COL20A1: variants seen among roughly 807,000 people sequenced by gnomAD.
COL20A1 encodes the protein collagen type XX alpha 1 chain.
Under a neutral mutation model 152.9 loss-of-function variants are expected in COL20A1, and 164 were observed. The ratio of observed to expected loss-of-function variants is 1.07; its 90% confidence interval spans 0.94 to 1.22. COL20A1 has a LOEUF of 1.22. COL20A1 is among the 50% of genes most tolerant of loss of function. The pLI is 0.00. For missense variants in COL20A1, 1,873 were observed against 1,744.8 expected, an observed-to-expected ratio of 1.07 and a Z score of -1.31; for synonymous variants, 864 against 756.0, an observed-to-expected ratio of 1.14 and a Z score of -2.34.
chr20:63,317,715 C>T (rs1352830557), intron 21 of COL20A1, among the ~76,000 whole-genome samples: 1 of 152,030 alleles, frequency 6.6e-6, no homozygotes, highest in Non-Finnish European at 1.5e-5. Context: ...TCACCATCCT[C>T]TCCCTCCCCC....
chr20:63,312,901 G>T lies in COL20A1; in HGVS notation c.2043G>T (p.Thr681=), dbSNP rs376373104. The change falls in exon 16 of 36, where the codon ACG becomes ACT. Residue 681 remains threonine, a synonymous_variant. Coordinates refer to ENST00000358894, the MANE Select transcript of COL20A1 (RefSeq NM_020882.4). ...APSGVLVYQI[T]WTPLGEGKAH... is the part of the protein sequence containing the mutation. ...CTGGCGTGCTTGTCTACCAGATCAC[G>T]TGGACGCCCCTGGGAGAGGGGAAGG... 1 of 1,558,018 alleles carries T rather than the reference G, an allele frequency of 6.4e-7. No homozygotes were observed. The highest frequency in any genetic ancestry group is 2.4e-5 in the East Asian group (1 of 41,498).
chr20:63,313,756 G>C lies in COL20A1; in HGVS notation c.2223G>C (p.Arg741Ser). 3.8e-6 allele frequency: 6 copies of C among 1,597,704 alleles called. No homozygotes were observed. Among genetic ancestry groups the C allele is most frequent in the Non-Finnish European group, 5.1e-6 (6 of 1,173,252 alleles). ...GCTCTCGGCCAGCCACGGTGAGCAG[G>C]AGCCCACCCTCCAACCTGGCCCTGG... is the stretch of plus-strand genomic sequence containing the variant. ...SLRYTPSTVS[R>S]SPPSNLALAS... Residue 741 changes from arginine (R) to serine (S), a missense_variant, in exon 18 of 36, where the codon AGG becomes AGC. Arg to Ser is a moderately radical substitution (Grantham distance 110, BLOSUM62 -1). Transcript: ENST00000358894. The surrounding 1 kb of genome is among the most constrained non-coding windows in gnomAD (Gnocchi z 5.9).
chr20:63,317,045 G>A (rs776954925), intron 21 of COL20A1, among the ~76,000 whole-genome samples: 5 of 152,308 alleles, frequency 3.3e-5, no homozygotes, highest in Non-Finnish European at 7.4e-5. Flanking sequence ...TAGAGGAAGC[G>A]ATCACTCAAA....
intron 21 of COL20A1, among the ~76,000 whole-genome samples, chr20:63,318,497 TCTGG>T: frequency 6.6e-6 from 1 of 152,210 alleles, no homozygotes; most frequent in South Asian, 2.1e-4. Flanking sequence ...CCTCAGGGTG[TCTGG>T]CTGGGCACTG....
chr20:63,315,206 A>G (rs1211297913), intron 19 of COL20A1, among the ~76,000 whole-genome samples, 198 bp from the exon 20 acceptor site: 1 of 152,258 alleles, frequency 6.6e-6, no homozygotes, highest in African/African-American at 2.4e-5. Context: ...GGCAGGGACC[A>G]TCCCTGTTCC....
chr20:63,313,202 A>G lies in COL20A1; in HGVS notation c.2162A>G (p.Tyr721Cys), dbSNP rs767512163. 1 of 1,612,458 alleles carries G rather than the reference A, an allele frequency of 6.2e-7. No individual in the cohort carries two copies. Among genetic ancestry groups the G allele is most frequent in the South Asian group, 1.1e-5 (1 of 91,072 alleles). ...TEYDVTILAY[Y>C]RDGARSDPVS... ...TACGACGTCACCATCTTGGCCTACT[A>G]CAGGGACGGGGCCCGCAGTGACCCT... is the stretch of plus-strand genomic sequence containing the variant. The change falls in exon 17 of 36, where the codon TAC (tyrosine) becomes TGC (cysteine). Residue 721 changes from tyrosine to cysteine, a missense_variant. Coordinates refer to ENST00000358894, the MANE Select transcript of COL20A1 (RefSeq NM_020882.4). This position sits in a 1 kb window ranked among gnomAD's most constrained non-coding sequence, Gnocchi z 5.9.
At chr20:63,300,669 AT>A (rs1212494119) in intron 3 of COL20A1, among the ~76,000 whole-genome samples, 1 of 151,890 alleles carries the variant, frequency 6.6e-6, no homozygotes, top group Admixed American at 6.6e-5. Context: ...GATTTTGTTT[AT>A]TTTTTATTGT....
In COL20A1 at chr20:63,319,611, C is replaced by G. The variant is rs374916835; in HGVS notation, c.2916+15C>G. On this transcript the variant is annotated intron_variant, in intron 23 of 35. Coordinates refer to ENST00000358894, the MANE Select transcript of COL20A1 (RefSeq NM_020882.4). This position sits in a 1 kb window ranked among gnomAD's most constrained non-coding sequence, Gnocchi z 4.4. ...GCTTCCACAAGGTCCTGGTGCAGCT[C>G]GCGCCCCTCTCCCCCGTTCCCCCAG... is the stretch of plus-strand genomic sequence containing the variant. 2 of 1,535,666 alleles carry G rather than the reference C, an allele frequency of 1.3e-6. No individual in the cohort carries two copies. The highest frequency in any genetic ancestry group is 2.7e-5 in the African/African-American group (2 of 72,882).
Position 63,305,616 on chromosome 20 carries a change from C to T in COL20A1, c.337+56C>T. The T allele has an allele frequency of 1.3e-6, 2 of 1,516,604 alleles. No individual in the cohort carries two copies. Among genetic ancestry groups the T allele is most frequent in the Non-Finnish European group, 1.8e-6 (2 of 1,130,954 alleles). The allele number at this position is 1,516,604 out of a possible 1,614,324, so 93.9% of individuals were successfully genotyped here. A position where few individuals can be genotyped will look rare whatever the true frequency, so the allele number is the denominator to read the frequency against. ...ACTCCTCCAGGCCGGGTCCCACCCT[C>T]CTCTGGGCTGGGGTCCCACCCTCCT... On this transcript the variant is annotated intron_variant, in intron 4 of 35. Transcript: ENST00000358894. The surrounding 1 kb of genome is among the most constrained non-coding windows in gnomAD (Gnocchi z 4.9).
At position 63,304,644 on chromosome 20, in the gene COL20A1, C is replaced by G. The variant is rs185650639; in HGVS notation, c.194-773C>G. On this transcript the variant is annotated intron_variant, in intron 3 of 35. Coordinates refer to ENST00000358894, the MANE Select transcript of COL20A1 (RefSeq NM_020882.4). ...CCAGCTGCGCAGATGTGGGTTCCTC[C>G]CTCCCTTCCTCCCTCCAGGTGTGCA... 9.3e-3 allele frequency among the ~76,000 whole-genome samples: 1,371 copies of G among 147,658 alleles called. 6 individuals carry two copies. The highest frequency in any genetic ancestry group is 0.014 in the Non-Finnish European group (922 of 66,914).
intron 27 of COL20A1, chr20:63,325,183 G>A (rs1453052785): frequency 1.5e-6 from 1 of 651,032 alleles, no homozygotes; most frequent in Non-Finnish European, 2.8e-6. Flanking sequence ...CCAGAGGGCT[G>A]GGAGGGCTGG....
intron 34 of COL20A1, chr20:63,329,067 C>G (rs1035603148): frequency 5.9e-6 from 1 of 168,668 alleles, no homozygotes; most frequent in Non-Finnish European, 1.3e-5. Flanking sequence ...CCCAGCCAGA[C>G]GAGGACTGAG....
In COL20A1 at chr20:63,298,000, T is replaced by A; in HGVS notation, c.173T>A (p.Val58Glu). ...GAGGGGAGCGGCCTCGGCTACCTGG[T>A]GCAGGTGAAGCCCATGGCAGGTGAG... ...ESEGSGLGYL[V>E]QVKPMAGDSE... Residue 58 changes from valine to glutamate, a missense_variant, in exon 3 of 36, where the codon GTG becomes GAG. Val to Glu is a moderately radical substitution (Grantham distance 121). Coordinates refer to ENST00000358894, the MANE Select transcript of COL20A1 (RefSeq NM_020882.4). 6.2e-7 allele frequency: 1 copy of A among 1,611,680 alleles called. No individual in the cohort carries two copies. The highest frequency in any genetic ancestry group is 8.5e-7 in the Non-Finnish European group (1 of 1,179,370).
rs1443165619 is a variant in COL20A1 at position 63,319,504 on chromosome 20, AC to A, written c.2826del (p.Tyr943ThrfsTer20). 6.3e-7 allele frequency: 1 copy of A among 1,584,812 alleles called. No homozygotes were observed. The highest frequency in any genetic ancestry group is 1.3e-5 in the African/African-American group (1 of 74,098). ...CCTGGCAGCCGGGAAGAAGTCCCTG[AC>A]CTACTTCCACCGTGACCCCAGGGCT... ...VLLDAGKKSL[T>X]YFHRDPRAAL... On this transcript the variant is annotated frameshift_variant, in exon 23 of 36. Transcript: ENST00000358894. LOFTEE classifies it high-confidence loss of function. The surrounding 1 kb of genome is among the most constrained non-coding windows in gnomAD (Gnocchi z 4.4).
chr20:63,311,766 G>A lies in COL20A1; in HGVS notation c.1663+18G>A, dbSNP rs199662336. ...CAGGACCCGTGAGTGCTCCAACCCC[G>A]GCTGCCTGCCCACAGGCGGGTGCCC... On this transcript the variant is annotated intron_variant, in intron 13 of 35. Transcript: ENST00000358894. This position sits in a 1 kb window ranked among gnomAD's most constrained non-coding sequence, Gnocchi z 4.4. 940 of 1,582,130 alleles carry A rather than the reference G, an allele frequency of 5.9e-4. No individual in the cohort carries two copies. Among genetic ancestry groups the A allele is most frequent in the Non-Finnish European group, 7.4e-4 (862 of 1,170,438 alleles).
rs900945488 is a variant in COL20A1 at position 63,315,409 on chromosome 20, C to G, written c.2494C>G (p.Pro832Ala). The change falls in exon 20 of 36, where the codon CCA becomes GCA. Residue 832 changes from proline to alanine, a missense_variant. Pro to Ala is a conservative substitution (Grantham distance 27). Transcript: ENST00000358894. ...ACCCTGTCTCCTCTCAGCAGCCTGC[C>G]CAGCCCTCCGCCCTGACGGCTCCCT... ...AVSATGQTAC[P>A]ALRPDGSLPG... 28 of 1,577,260 alleles carry G rather than the reference C, an allele frequency of 1.8e-5. No homozygotes were observed. The highest frequency in any genetic ancestry group is 2.3e-5 in the Non-Finnish European group (27 of 1,166,198).
chr20:63,298,082 G>C, intron 3 of COL20A1, 62 bp downstream of exon 3: 7 of 1,166,306 alleles, frequency 6.0e-6, no homozygotes, highest in Non-Finnish European at 8.7e-6. Context: ...CAGTCAGTGT[G>C]GTGGCCGCAG....
chr20:63,329,652 G>T lies in COL20A1; in HGVS notation c.3849G>T (p.Trp1283Cys). 1 of 1,591,060 alleles carries T rather than the reference G, an allele frequency of 6.3e-7. No individual in the cohort carries two copies. The highest frequency in any genetic ancestry group is 8.5e-7 in the Non-Finnish European group (1 of 1,172,690). The change falls in exon 35 of 36, where the codon TGG (tryptophan) becomes TGT (cysteine). Residue 1283 changes from tryptophan (W) to cysteine (C), a missense_variant. Trp to Cys is a radical substitution (Grantham distance 215). Transcript: ENST00000358894. Reference sequence around the variant, plus strand: ...AGGGGGCTAGCACCCAGGGCCTCTGGGAGTGACAGGTGAGCCCCTGCTGCC... The same window carrying T: ...AGGGGGCTAGCACCCAGGGCCTCTGTGAGTGACAGGTGAGCCCCTGCTGCC... Reference protein sequence around the residue: ...GQQGASTQGLWE With the variant: ...GQQGASTQGLCE
rs557501219 is a variant in COL20A1, at chr20:63,306,413, A to T, written c.496+374A>T. Among the ~76,000 whole-genome samples the T allele has an allele frequency of 5.3e-4, 81 of 152,314 alleles. No homozygotes were observed. Among genetic ancestry groups the T allele is most frequent in the African/African-American group, 1.8e-3 (76 of 41,566 alleles). On this transcript the variant is annotated intron_variant, in intron 5 of 35. Transcript: ENST00000358894. The surrounding 1 kb of genome is among the most constrained non-coding windows in gnomAD (Gnocchi z 6.9). ...TCTCTGGCTTTAACTTAAAGTTGCC[A>T]TGTTCCCAGGTTCACTCAAGCCAGG...
Sources: allele counts gnomAD v4.1 joint callset (sites outside exome capture counted in the v4.1 genomes callset), GRCh38; gene constraint gnomAD v4.1.1; non-coding constraint Gnocchi (gnomAD v3.1); transcripts MANE v1.5; gene names NCBI Gene and HGNC (gene_info 2026-07-23, HGNC 2026-07-21).